Variants in BDP1 observed in about 807,000 individuals in gnomAD.
BDP1 encodes the protein transcription factor TFIIIB component B'' homolog.
BDP1 carries 169 observed loss-of-function variants against 266.6 expected under a neutral mutation model. The observed-to-expected ratio is 0.63, with a 90% CI of 0.56 to 0.72. The LOEUF is 0.72. Among genes scored for constraint, BDP1 ranks in the 30% least tolerant of loss-of-function variants. The pLI, the probability that BDP1 is intolerant of heterozygous loss-of-function variation, is 0.00. For synonymous variants in BDP1, 1,090 were observed against 1,022.4 expected (o/e 1.07, Z -1.26); for missense variants, 3,015 against 3,053.8 (o/e 0.99, Z 0.30).
chr5:71,572,174 C>T (rs528369596), downstream of BDP1, among the ~76,000 whole-genome samples: 6 of 152,226 alleles, frequency 3.9e-5, no homozygotes, highest in African/African-American at 1.4e-4. Flanking sequence ...TTCTCACTAT[C>T]TCTTTTGCCT....
At position 71,516,485 on chromosome 5, in the gene BDP1, A is replaced by G. The variant is rs191827117; in HGVS notation, c.4860+214A>G. Among the ~76,000 whole-genome samples the G allele has an allele frequency of 5.9e-5, 9 of 152,302 alleles. 1 individual carries two copies. The East Asian group carries it at 1.3e-3, about 23-fold the overall frequency. On this transcript the variant is annotated intron_variant, in intron 21 of 38. Transcript: ENST00000358731. ...AATTAATGAAGCTATTCATCGTAAAATGTTCCATTAGGACAAAATAATATA... is the reference window on the plus strand; with the variant it reads ...AATTAATGAAGCTATTCATCGTAAAGTGTTCCATTAGGACAAAATAATATA...
In BDP1 at chr5:71,545,067, G is replaced by C. The variant is rs773703951; in HGVS notation, c.6592G>C (p.Glu2198Gln). ...RNENQEESSQ[E>Q]VHMLSVAPVA... ...CGAAAATCAAGAAGAGAGCTCTCAG[G>C]AGGTTCACATGTTGTCAGTTGCTCC... is the stretch of plus-strand genomic sequence containing the variant. The change falls in exon 32 of 39, where the codon GAG becomes CAG. Residue 2198 changes from glutamate (E) to glutamine (Q), a missense_variant. By Grantham distance (29) the Glu-to-Gln change is conservative. Transcript: ENST00000358731. 6.2e-7 allele frequency: 1 copy of C among 1,613,378 alleles called. No homozygotes were observed. The highest frequency in any genetic ancestry group is 1.3e-5 in the African/African-American group (1 of 74,898).
rs1561789359 is a variant in BDP1 at position 71,556,918 on chromosome 5, G to A, written c.7233G>A (p.Glu2411=). The A allele has an allele frequency of 2.1e-6, 3 of 1,453,358 alleles. No individual in the cohort carries two copies. The highest frequency in any genetic ancestry group is 2.8e-6 in the Non-Finnish European group (3 of 1,089,476). The allele number at this position is 1,453,358 out of a possible 1,614,324, so 90.0% of individuals were successfully genotyped here. The change falls in exon 36 of 39, where the codon GAG becomes GAA. Residue 2411 remains glutamate (E), a synonymous_variant. Transcript: ENST00000358731. The part of the protein sequence containing the change: ...VHSKELTNVF[E]ETGESHKGQD... ...CAAAGGAATTAACAAATGTTTTTGA[G>A]GAAACAGGTAAGTGAAATACATTTT...
Position 71,517,393 on chromosome 5 carries a change from T to A in BDP1, c.4932T>A (p.Asn1644Lys). ...SAVPEHRMYENQSQVVLVENL... is the reference protein window; with the variant it reads ...SAVPEHRMYEKQSQVVLVENL... Reference sequence around the variant, plus strand: ...TTCCAGAACACAGAATGTATGAAAATCAAAGTCAGGTGGTTCTTGTAGAAA... The same window carrying A: ...TTCCAGAACACAGAATGTATGAAAAACAAAGTCAGGTGGTTCTTGTAGAAA... The change falls in exon 22 of 39, where the codon AAT (asparagine) becomes AAA (lysine). Residue 1644 changes from asparagine to lysine, a missense_variant. Asn to Lys is a moderately conservative substitution (Grantham distance 94, BLOSUM62 0). Coordinates refer to ENST00000358731, the MANE Select transcript of BDP1 (RefSeq NM_018429.3). The A allele has an allele frequency of 1.2e-6, 2 of 1,605,422 alleles. No homozygotes were observed. The highest frequency in any genetic ancestry group is 8.5e-7 in the Non-Finnish European group (1 of 1,177,802).
chr5:71,520,013 G>A (rs1201537181), intron 22 of BDP1, among the ~76,000 whole-genome samples: 1 of 152,082 alleles, frequency 6.6e-6, no homozygotes, highest in Non-Finnish European at 1.5e-5. Flanking sequence ...CATTTTAACG[G>A]CAGTAGGATA....
chr5:71,471,361 T>G (rs1762239892), intron 7 of BDP1, among the ~76,000 whole-genome samples: 1 of 152,118 alleles, frequency 6.6e-6, no homozygotes. Flanking sequence ...AGCCTGGTCT[T>G]GAACTCTTGA....
At chr5:71,516,782 T>C (rs1765245556) in intron 21 of BDP1, among the ~76,000 whole-genome samples, 2 of 152,168 alleles carry the variant, frequency 1.3e-5, no homozygotes, top group African/African-American at 4.8e-5. Flanking sequence ...AGGGAAAAAG[T>C]CTAAGTAGTG....
Position 71,509,847 on chromosome 5 carries a change from A to T in BDP1, c.2755A>T (p.Ile919Phe). 1 of 1,614,108 alleles carries T rather than the reference A, an allele frequency of 6.2e-7. No individual in the cohort carries two copies. The highest frequency in any genetic ancestry group is 8.5e-7 in the Non-Finnish European group (1 of 1,180,014). The change falls in exon 17 of 39, where the codon ATT becomes TTT. Residue 919 changes from isoleucine to phenylalanine, a missense_variant. Around this residue, in one of 3 missense-constraint regions of BDP1, gnomAD observed 2,383 missense variants for 2,404.9 expected, o/e 0.99. Transcript: ENST00000358731. Reference protein sequence around the residue: ...ICLREKTPEVIDATEEIDKDL... With the variant: ...ICLREKTPEVFDATEEIDKDL... ...TCTAAGGGAGAAGACGCCAGAGGTG[A>T]TTGATGCCACTGAGGAAATAGACAA...
downstream of BDP1, among the ~76,000 whole-genome samples, chr5:71,570,564 C>G (rs1352088417): frequency 6.6e-6 from 1 of 152,224 alleles, no homozygotes; most frequent in South Asian, 2.1e-4. Flanking sequence ...TAACAGGAAC[C>G]TTGGGATCAA....
At chr5:71,559,636 A>G (rs530914191) in intron 36 of BDP1, among the ~76,000 whole-genome samples, 2 of 152,294 alleles carry the variant, frequency 1.3e-5, no homozygotes, top group African/African-American at 4.8e-5. Flanking sequence ...GTTACCACCT[A>G]TATTTTGGAT....
Position 71,531,621 on chromosome 5 carries a change from G to C in BDP1, c.5773-687G>C, listed in dbSNP as rs542679131. On this transcript the variant is annotated intron_variant, in intron 25 of 38. Transcript: ENST00000358731. ...CCTCCTGGGTTCAAGCGATTCTCCT[G>C]CCTCAGCCTCCCCAGTAGCTGGGAC... is the stretch of plus-strand genomic sequence containing the variant. 3.0e-4 allele frequency among the ~76,000 whole-genome samples: 46 copies of C among 152,230 alleles called. 1 individual carries two copies. Among genetic ancestry groups the C allele is most frequent in the Middle Eastern group, 6.8e-3 (2 of 294 alleles).
intron 36 of BDP1, among the ~76,000 whole-genome samples, chr5:71,558,644 G>A (rs1318140462): frequency 6.6e-6 from 1 of 151,988 alleles, no homozygotes; most frequent in African/African-American, 2.4e-5. Context: ...TGGCCAACAT[G>A]GCGAAGCCTC....
At chr5:71,474,506 T>C (rs1479305760) in intron 7 of BDP1, among the ~76,000 whole-genome samples, 1 of 150,584 alleles carries the variant, frequency 6.6e-6, no homozygotes, top group Non-Finnish European at 1.5e-5. Flanking sequence ...AATTTTTGTA[T>C]TTTTTTGTAC....
Position 71,560,139 on chromosome 5 carries a change from TGAAATGATTGTGTCTGATAAG to T in BDP1, c.7402_7422del (p.Met2468_Glu2474del), listed in dbSNP as rs1219084452. On this transcript the variant is annotated inframe_deletion, in exon 37 of 39. Transcript: ENST00000358731. ...AGAATGTGCCTCAGTTACCTCAGGA[TGAAATGATTGTGTCTGATAAG>T]GAAGAAAGAACTGATGCTGCTCCTA... The T allele has an allele frequency of 3.7e-6, 6 of 1,614,054 alleles. No homozygotes were observed. The highest frequency in any genetic ancestry group is 1.3e-5 in the African/African-American group (1 of 74,938).
chr5:71,502,527 C>T, intron 14 of BDP1, 72 bp from the exon 15 acceptor site: 1 of 1,273,812 alleles, frequency 7.9e-7, no homozygotes. Context: ...AAATGGTTTA[C>T]TTATTCATGC....
chr5:71,501,587 A>G lies in BDP1; in HGVS notation c.1982A>G (p.Asn661Ser). The stretch of plus-strand genomic sequence containing the variant: ...AACCACGTGGAAAAAGATAAAATGA[A>G]TACATTGGACATTTTGAGAATGGAG... ...EKNHVEKDKM[N>S]TLDILRMETT... Residue 661 changes from asparagine (N) to serine (S), a missense_variant, in exon 14 of 39, where the codon AAT becomes AGT. Asn to Ser is a conservative substitution (Grantham distance 46). Coordinates refer to ENST00000358731, the MANE Select transcript of BDP1 (RefSeq NM_018429.3). The G allele has an allele frequency of 6.2e-7, 1 of 1,603,820 alleles. No individual in the cohort carries two copies. The highest frequency in any genetic ancestry group is 1.1e-5 in the South Asian group (1 of 90,778).
chr5:71,543,635 C>T (rs1767102780), intron 30 of BDP1, among the ~76,000 whole-genome samples: 1 of 152,162 alleles, frequency 6.6e-6, no homozygotes. Flanking sequence ...ATTTTCAGTA[C>T]TGCATTGTAT....
In BDP1 at chr5:71,530,644, G is replaced by C. The variant is rs184596751; in HGVS notation, c.5773-1664G>C. Among the ~76,000 whole-genome samples the C allele has an allele frequency of 2.3e-3, 353 of 152,106 alleles. 3 individuals carry two copies. Among genetic ancestry groups the C allele is most frequent in the Non-Finnish European group, 1.6e-3 (110 of 67,974 alleles). The stretch of plus-strand genomic sequence containing the variant: ...AAGCGACCCTCACACCTCAGCCTCC[G>C]AGTAGCTAGAACTACAGGCATGTGC... On this transcript the variant is annotated intron_variant, in intron 25 of 38. Coordinates refer to ENST00000358731, the MANE Select transcript of BDP1 (RefSeq NM_018429.3).
At chr5:71,555,926 CAT>C (rs1462161637) in intron 35 of BDP1, among the ~76,000 whole-genome samples, 2 of 151,762 alleles carry the variant, frequency 1.3e-5, no homozygotes, top group Non-Finnish European at 2.9e-5. Context: ...GTATTTGAAT[CAT>C]ATTAACTTAG....
Sources: gnomAD v4.1 joint callset for allele counts (sites outside exome capture counted in the v4.1 genomes callset) on GRCh38, gnomAD v4.1.1 for gene constraint, gnomAD v4.1.1 regional missense constraint, MANE v1.5 for transcripts, NCBI Gene and HGNC (gene_info 2026-07-23, HGNC 2026-07-21) for gene names.